Variants in FHIT observed in about 807,000 individuals in gnomAD.
The protein encoded by FHIT is fragile histidine triad diadenosine triphosphatase.
A neutral mutation model predicts 17.9 loss-of-function variants in FHIT; 19 were observed. The observed-to-expected ratio is 1.06, with a 90% CI of 0.74 to 1.56. The LOEUF is 1.56. FHIT is among the 40% of genes most tolerant of loss of function. The pLI, the probability that FHIT is intolerant of heterozygous loss-of-function variation, is 0.00. For missense variants in FHIT, 248 were observed against 189.2 expected (o/e 1.31, Z -1.82); for synonymous variants, 81 against 69.7 (o/e 1.16, Z -0.81).
chr3:59,908,598 C>A (rs546581770), intron 8 of FHIT, among the ~76,000 whole-genome samples: 1 of 152,154 alleles, frequency 6.6e-6, no homozygotes, highest in East Asian at 1.9e-4. Context: ...ACACCAGAGG[C>A]CAAGGAAACA....
chr3:59,815,102 T>C (rs1270886462), intron 8 of FHIT, among the ~76,000 whole-genome samples: 1 of 152,174 alleles, frequency 6.6e-6, no homozygotes, highest in African/African-American at 2.4e-5. Flanking sequence ...ATAATGGAAA[T>C]TAAGAGTTGG....
intron 4 of FHIT, among the ~76,000 whole-genome samples, chr3:60,785,847 A>G (rs1189626280): frequency 6.6e-6 from 1 of 151,902 alleles, no homozygotes. Context: ...CTCCAGGAGC[A>G]AACAGCTTCA....
intron 5 of FHIT, among the ~76,000 whole-genome samples, chr3:60,429,090 A>T (rs1180743951): frequency 6.6e-6 from 1 of 152,036 alleles, no homozygotes; most frequent in Non-Finnish European, 1.5e-5. Flanking sequence ...ATCTCTTAGG[A>T]AACTTCGCAG....
intron 5 of FHIT, among the ~76,000 whole-genome samples, chr3:60,366,926 T>A (rs759413400): frequency 6.6e-6 from 1 of 152,214 alleles, no homozygotes; most frequent in Admixed American, 6.5e-5. Flanking sequence ...TGTCAACTTA[T>A]ATAGGTTGAG....
intron 7 of FHIT, 44 bp from the exon 8 acceptor site, chr3:59,922,458 T>G: frequency 1.3e-6 from 2 of 1,526,982 alleles, no homozygotes; most frequent in Non-Finnish European, 1.8e-6. Flanking sequence ...TATCTCCCCA[T>G]GTATTTTTAG....
At chr3:60,859,475 A>T (rs1240324468) in intron 3 of FHIT, among the ~76,000 whole-genome samples, 1 of 152,028 alleles carries the variant, frequency 6.6e-6, no homozygotes, top group Non-Finnish European at 1.5e-5. Flanking sequence ...GCTTCAGTGG[A>T]GTTACGTGGG....
intron 8 of FHIT, among the ~76,000 whole-genome samples, chr3:59,878,186 G>C (rs372520514): frequency 1.3e-5 from 2 of 152,032 alleles, no homozygotes; most frequent in African/African-American, 4.8e-5. Context: ...CCTCTCTGTG[G>C]TTGCATTTCA....
intron 8 of FHIT, among the ~76,000 whole-genome samples, chr3:59,759,628 G>T (rs1701400696): frequency 6.6e-6 from 1 of 152,068 alleles, no homozygotes; most frequent in South Asian, 2.1e-4. Context: ...CAAAGTTCCC[G>T]AGAAGCCTTC....
chr3:60,452,907 G>A (rs935710935), intron 5 of FHIT, among the ~76,000 whole-genome samples: 3 of 152,082 alleles, frequency 2.0e-5, no homozygotes, highest in African/African-American at 7.2e-5. Context: ...AATATCTAAA[G>A]TTCATATAAA....
At chr3:60,347,636 T>C (rs993507672) in intron 5 of FHIT, among the ~76,000 whole-genome samples, 2 of 122,540 alleles carry the variant, frequency 1.6e-5, no homozygotes, top group South Asian at 2.9e-4. Context: ...GGAAGCAAAA[T>C]TGAAAACATT....
At chr3:60,029,897 C>CTGTGTGTGTG (rs71089569) in intron 5 of FHIT, among the ~76,000 whole-genome samples, 5,602 of 127,834 alleles carry the variant, frequency 0.044, 136 homozygotes, top group Middle Eastern at 0.066. Context: ...GTGTGTGTGT[C>CTGTGTGTGTG]TGTGTGTGTG....
chr3:60,069,195 T>C (rs550835511), intron 5 of FHIT, among the ~76,000 whole-genome samples: 2 of 152,334 alleles, frequency 1.3e-5, no homozygotes, highest in East Asian at 3.9e-4. Flanking sequence ...CTGACAGTAA[T>C]AACCTATGAA....
intron 5 of FHIT, among the ~76,000 whole-genome samples, chr3:60,084,903 T>A (rs918052053): frequency 2.0e-5 from 3 of 152,190 alleles, no homozygotes; most frequent in Admixed American, 6.5e-5. Flanking sequence ...GTTATGATCT[T>A]GCTGTTACTT....
At chr3:59,893,373 T>C (rs1187445774) in intron 8 of FHIT, among the ~76,000 whole-genome samples, 2 of 152,190 alleles carry the variant, frequency 1.3e-5, no homozygotes, top group Non-Finnish European at 2.9e-5. Flanking sequence ...CTACTGTACA[T>C]GGCTCTTTCC....
At chr3:60,061,249 G>C (rs1702282092) in intron 5 of FHIT, among the ~76,000 whole-genome samples, 1 of 152,240 alleles carries the variant, frequency 6.6e-6, no homozygotes, top group South Asian at 2.1e-4. Flanking sequence ...GAAAGGACCT[G>C]TGTAAAAATC....
chr3:61,089,571 A>T (rs892988160), intron 2 of FHIT, among the ~76,000 whole-genome samples: 2 of 152,200 alleles, frequency 1.3e-5, no homozygotes, highest in African/African-American at 2.4e-5. Context: ...CAGTAAAAAA[A>T]AATTGAATAC....
chr3:60,023,445 G>C (rs1054521301), intron 5 of FHIT, among the ~76,000 whole-genome samples: 1 of 152,148 alleles, frequency 6.6e-6, no homozygotes, highest in African/African-American at 2.4e-5. Context: ...CTCCCACATA[G>C]ACAGGATTCT....
chr3:60,358,076 C>T lies in FHIT; in HGVS notation c.103+178784G>A, dbSNP rs190720657. Among the ~76,000 whole-genome samples the T allele has an allele frequency of 6.0e-3, 921 of 152,312 alleles. 2 individuals are homozygous for T. Among genetic ancestry groups the T allele is most frequent in the Non-Finnish European group, 9.4e-3 (638 of 68,014 alleles). On this transcript the variant is annotated intron_variant, in intron 5 of 9. Transcript: ENST00000492590. ...ATTTGTGTTTTATTATATCCTCCAG[C>T]TGTCTGGAGAACCACATAAGTTTTG... is the stretch of plus-strand genomic sequence containing the variant.
At chr3:60,067,976 C>A (rs145773698) in intron 5 of FHIT, among the ~76,000 whole-genome samples, 8,417 of 152,246 alleles carry the variant, frequency 0.055, 334 homozygotes, top group South Asian at 0.11. Context: ...TGGCTCACAC[C>A]TGTAATCCCA....
Sources: gnomAD v4.1 joint callset for allele counts (sites outside exome capture counted in the v4.1 genomes callset) on GRCh38, gnomAD v4.1.1 for gene constraint, MANE v1.5 for transcripts, NCBI Gene and HGNC (gene_info 2026-07-23, HGNC 2026-07-21) for gene names.